Variants in PARD3B observed in about 807,000 individuals in gnomAD.
The protein encoded by PARD3B is par-3 family cell polarity regulator beta, also known as partitioning defective 3 homolog B.
In PARD3B, 103 loss-of-function variants were observed where a neutral mutation model predicts 130.2. That is an observed-to-expected ratio of 0.79 (90% confidence interval 0.67 to 0.93). The LOEUF is 0.93. PARD3B is among the 40% of genes least tolerant of loss of function. The pLI, the probability that PARD3B is intolerant of heterozygous loss-of-function variation, is 0.00. For missense variants in PARD3B, 1,609 were observed against 1,499.2 expected, an observed-to-expected ratio of 1.07 and a Z score of -1.21; for synonymous variants, 583 against 553.2, an observed-to-expected ratio of 1.05 and a Z score of -0.76.
intron 1 of PARD3B, among the ~76,000 whole-genome samples, chr2:204,569,603 A>G (rs1177526181): frequency 1.3e-5 from 2 of 152,178 alleles, no homozygotes; most frequent in Non-Finnish European, 2.9e-5. Context: ...CATTTTGTTT[A>G]GGTAGATAGT....
intron 19 of PARD3B, among the ~76,000 whole-genome samples, chr2:205,416,798 AAT>A (rs2046791610): frequency 6.6e-6 from 1 of 152,104 alleles, no homozygotes; most frequent in Non-Finnish European, 1.5e-5. Context: ...TTTAAGGAGA[AAT>A]AAGATTTCTT....
intron 16 of PARD3B, among the ~76,000 whole-genome samples, chr2:205,290,173 C>T (rs1277841446): frequency 6.6e-6 from 1 of 152,118 alleles, no homozygotes; most frequent in South Asian, 2.1e-4. Context: ...GGTGTATGTA[C>T]GAACAATTTA....
intron 2 of PARD3B, among the ~76,000 whole-genome samples, chr2:204,927,353 T>C (rs1467672121): frequency 6.6e-6 from 1 of 152,116 alleles, no homozygotes; most frequent in African/African-American, 2.4e-5. Context: ...GATCTCCTTC[T>C]CCTTCCACCA....
intron 2 of PARD3B, among the ~76,000 whole-genome samples, chr2:204,894,390 T>C (rs1302036152): frequency 6.6e-6 from 1 of 152,106 alleles, no homozygotes; most frequent in Non-Finnish European, 1.5e-5. Flanking sequence ...TAAATCTCAT[T>C]TTTTAAGGAA....
In PARD3B at chr2:204,706,508, G is replaced by T. The variant is rs561386870; in HGVS notation, c.222+20226G>T. ...AGAAGACTCCAGAAAATTGGATGGG[G>T]TGTGGTGACCAGCCTAGGTAGGGGT... On this transcript the variant is annotated intron_variant, in intron 2 of 22. Coordinates refer to ENST00000406610, the MANE Select transcript of PARD3B (RefSeq NM_001302769.2). 2.6e-5 allele frequency among the ~76,000 whole-genome samples: 4 copies of T among 152,114 alleles called. 1 individual carries two copies. Among genetic ancestry groups the T allele is most frequent in the Admixed American group, 2.6e-4 (4 of 15,266 alleles).
intron 18 of PARD3B, among the ~76,000 whole-genome samples, chr2:205,346,039 C>G (rs553047484): frequency 7.7e-6 from 1 of 130,396 alleles, no homozygotes; most frequent in African/African-American, 2.5e-5. Flanking sequence ...GGCGTGGTGG[C>G]GCACGCCTGT....
At chr2:205,063,136 C>G (rs935245464) in intron 4 of PARD3B, among the ~76,000 whole-genome samples, 1 of 151,876 alleles carries the variant, frequency 6.6e-6, no homozygotes, top group African/African-American at 2.4e-5. Flanking sequence ...CCAAAGTAAC[C>G]GTTTAAAGCT....
intron 2 of PARD3B, among the ~76,000 whole-genome samples, chr2:204,807,414 C>T (rs189819269): frequency 1.6e-4 from 25 of 152,220 alleles, no homozygotes; most frequent in Admixed American, 3.3e-4. Flanking sequence ...ATTAGTACAA[C>T]CACTACGGAG....
intron 18 of PARD3B, among the ~76,000 whole-genome samples, chr2:205,349,343 A>G (rs562089423): frequency 6.6e-6 from 1 of 152,268 alleles, no homozygotes; most frequent in East Asian, 1.9e-4. Context: ...AGAGACCCAA[A>G]CCACCATTTT....
intron 14 of PARD3B, among the ~76,000 whole-genome samples, chr2:205,189,899 T>C (rs1400480694): frequency 2.0e-5 from 3 of 152,162 alleles, no homozygotes; most frequent in Non-Finnish European, 2.9e-5. Context: ...GTTTTCAAAG[T>C]GTACACTTGG....
intron 20 of PARD3B, among the ~76,000 whole-genome samples, chr2:205,494,647 G>C (rs963710387): frequency 6.6e-6 from 1 of 152,168 alleles, no homozygotes; most frequent in Non-Finnish European, 1.5e-5. Context: ...GCAAATAAAA[G>C]AATATCAAAA....
chr2:205,285,592 G>A (rs1042569626), intron 16 of PARD3B, among the ~76,000 whole-genome samples: 1 of 152,092 alleles, frequency 6.6e-6, no homozygotes, highest in Admixed American at 6.6e-5. Context: ...GGCCCCATGA[G>A]CACTCTGCAG....
At chr2:205,342,926 C>T (rs1286230286) in intron 18 of PARD3B, among the ~76,000 whole-genome samples, 3 of 152,112 alleles carry the variant, frequency 2.0e-5, no homozygotes, top group Non-Finnish European at 4.4e-5. Flanking sequence ...GTCTGTTACC[C>T]AGGCAATATC....
At chr2:204,670,580 A>AT (rs2036252194) in intron 1 of PARD3B, among the ~76,000 whole-genome samples, 2 of 151,968 alleles carry the variant, frequency 1.3e-5, no homozygotes, top group African/African-American at 4.8e-5. Context: ...TGGTTCATCA[A>AT]TTTTAGACAT....
intron 2 of PARD3B, among the ~76,000 whole-genome samples, chr2:204,807,343 A>T (rs954928324): frequency 3.3e-5 from 5 of 152,190 alleles, no homozygotes; most frequent in African/African-American, 1.2e-4. Flanking sequence ...ACAGGCAATA[A>T]CAAATGCTGT....
chr2:205,504,265 T>C (rs977251630), intron 21 of PARD3B, among the ~76,000 whole-genome samples: 2 of 152,156 alleles, frequency 1.3e-5, no homozygotes, highest in African/African-American at 2.4e-5. Context: ...AAGACTTAAA[T>C]GTTAGTCCTA....
rs5837948 is a variant in PARD3B at position 205,018,722 on chromosome 2, C to CAAAAAAAAAAAAAAAAAAAA, written c.395-28850_395-28831dup. Among the ~76,000 whole-genome samples the CAAAAAAAAAAAAAAAAAAAA allele has an allele frequency of 7.0e-5, 3 of 43,152 alleles. 1 individual carries two copies. The highest frequency in any genetic ancestry group is 9.7e-5 in the African/African-American group (1 of 10,312). 28.3% of individuals were successfully genotyped at this position (43,152 alleles called of 152,430 possible). ...TACAAATTTGATTTAGCAGTATAAGCAAAAAAAAAAAAAAAAAAAAAAAAA... is the reference window on the plus strand; with the variant it reads ...TACAAATTTGATTTAGCAGTATAAGCAAAAAAAAAAAAAAAAAAAAAAAAAAAAAAAAAAAAAAAAAAAAA... On this transcript the variant is annotated intron_variant, in intron 3 of 22. Coordinates refer to ENST00000406610, the MANE Select transcript of PARD3B (RefSeq NM_001302769.2).
intron 2 of PARD3B, among the ~76,000 whole-genome samples, chr2:204,952,996 C>CAAAA (rs5837946): frequency 9.7e-6 from 1 of 103,564 alleles, no homozygotes; most frequent in Non-Finnish European, 2.1e-5. Context: ...GACTCAGTCT[C>CAAAA]AAAAAAAAAA....
chr2:204,688,018 T>C (rs920228188), intron 2 of PARD3B, among the ~76,000 whole-genome samples: 9 of 152,176 alleles, frequency 5.9e-5, no homozygotes, highest in African/African-American at 2.2e-4. Flanking sequence ...TTTATAACCA[T>C]AATCCACTTA....
Sources: allele counts gnomAD v4.1 joint callset (sites outside exome capture counted in the v4.1 genomes callset), GRCh38; gene constraint gnomAD v4.1.1; transcripts MANE v1.5; gene names NCBI Gene and HGNC (gene_info 2026-07-23, HGNC 2026-07-21).